GRIA2: variants seen among roughly 807,000 people sequenced by gnomAD.
GRIA2 encodes glutamate ionotropic receptor AMPA type subunit 2.
A neutral mutation model predicts 97.3 loss-of-function variants in GRIA2; 14 were observed. That is an observed-to-expected ratio of 0.14 (90% CI 0.10 to 0.23). The LOEUF (loss-of-function observed/expected upper bound fraction) is 0.23. Ranked by LOEUF, GRIA2 falls within the 10% of genes least tolerant of loss-of-function variation. The pLI is 1.00. For missense variants in GRIA2, 558 were observed against 1,069.8 expected, an observed-to-expected ratio of 0.52 and a Z score of 6.67; for synonymous variants, 412 against 387.8, an observed-to-expected ratio of 1.06 and a Z score of -0.73.
intron 2 of GRIA2, among the ~76,000 whole-genome samples, chr4:157,234,886 G>T (rs1343345675): frequency 6.6e-6 from 1 of 152,108 alleles, no homozygotes; most frequent in Non-Finnish European, 1.5e-5. Context: ...GTGCGGGGTG[G>T]TTGGGGGAAG....
chr4:157,318,542 A>G (rs1313330744), intron 5 of GRIA2, among the ~76,000 whole-genome samples: 1 of 152,188 alleles, frequency 6.6e-6, no homozygotes, highest in Non-Finnish European at 1.5e-5. Context: ...CTCAGAATAA[A>G]CCTTTTACAA....
intron 6 of GRIA2, among the ~76,000 whole-genome samples, chr4:157,328,956 T>G (rs926160800): frequency 6.6e-6 from 1 of 152,004 alleles, no homozygotes; most frequent in Non-Finnish European, 1.5e-5. Flanking sequence ...CTTACTAAGG[T>G]TTTTATGAAG....
chr4:157,276,593 G>A (rs769029163), intron 2 of GRIA2, among the ~76,000 whole-genome samples: 1 of 151,446 alleles, frequency 6.6e-6, no homozygotes, highest in Non-Finnish European at 1.5e-5. Context: ...GAAACCAAAA[G>A]GTGTTTTTTT....
intron 2 of GRIA2, among the ~76,000 whole-genome samples, chr4:157,293,534 C>T (rs533915757): frequency 4.6e-5 from 7 of 152,258 alleles, no homozygotes; most frequent in African/African-American, 1.7e-4. Flanking sequence ...GCTAGAGGTA[C>T]ATCCCACATT....
intron 12 of GRIA2, 104 bp downstream of exon 12, chr4:157,341,566 C>A (rs112527915): frequency 5.4e-6 from 4 of 737,406 alleles, no homozygotes; most frequent in Non-Finnish European, 9.4e-6. Context: ...TGTGAAAGCA[C>A]CCCTAATTCT....
At chr4:157,357,800 G>C (rs1180354600) in intron 12 of GRIA2, among the ~76,000 whole-genome samples, 1 of 151,828 alleles carries the variant, frequency 6.6e-6, no homozygotes, top group Non-Finnish European at 1.5e-5. Flanking sequence ...TTTCTAGATT[G>C]TATTTTAAAA....
chr4:157,240,050 T>C (rs1730434488), intron 2 of GRIA2, among the ~76,000 whole-genome samples: 1 of 152,136 alleles, frequency 6.6e-6, no homozygotes, highest in Non-Finnish European at 1.5e-5. Context: ...CATGTAATTA[T>C]TTCTTGACTT....
chr4:157,239,897 A>C (rs1403461340), intron 2 of GRIA2, among the ~76,000 whole-genome samples: 1 of 151,928 alleles, frequency 6.6e-6, no homozygotes, highest in Non-Finnish European at 1.5e-5. Flanking sequence ...AATATTTTTA[A>C]GTTCTTACTA....
chr4:157,355,624 A>ATATTTATTTATATT (rs1290321914), intron 12 of GRIA2, among the ~76,000 whole-genome samples: 1 of 136,638 alleles, frequency 7.3e-6, no homozygotes, highest in African/African-American at 2.7e-5. Context: ...TTATTTATAT[A>ATATTTATTTATATT]TATTTATTTA....
intron 2 of GRIA2, among the ~76,000 whole-genome samples, chr4:157,294,694 A>G (rs1733262711): frequency 6.6e-6 from 1 of 152,108 alleles, no homozygotes; most frequent in Non-Finnish European, 1.5e-5. Flanking sequence ...ATGTTCAGCC[A>G]CACAGGCCCA....
At chr4:157,248,641 G>GTA (rs1231676845) in intron 2 of GRIA2, among the ~76,000 whole-genome samples, 4 of 119,608 alleles carry the variant, frequency 3.3e-5, no homozygotes, top group East Asian at 2.4e-4. Context: ...ATATACACCT[G>GTA]TATATATATA....
intron 3 of GRIA2, among the ~76,000 whole-genome samples, chr4:157,305,349 A>T (rs1165577360): frequency 6.6e-6 from 1 of 151,856 alleles, no homozygotes; most frequent in Non-Finnish European, 1.5e-5. Context: ...TAATGTGTTC[A>T]GTCCCTCATC....
intron 2 of GRIA2, among the ~76,000 whole-genome samples, chr4:157,301,992 G>A (rs1013492103): frequency 1.3e-5 from 2 of 151,972 alleles, no homozygotes; most frequent in South Asian, 2.1e-4. Context: ...GACCAACAAG[G>A]TGAAACCCCG....
chr4:157,249,035 A>G (rs1333370109), intron 2 of GRIA2, among the ~76,000 whole-genome samples: 3 of 151,762 alleles, frequency 2.0e-5, no homozygotes, highest in East Asian at 2.0e-4. Flanking sequence ...CATGAAGTCT[A>G]TGTTGCCCGG....
intron 12 of GRIA2, among the ~76,000 whole-genome samples, chr4:157,359,270 T>A (rs895543574): frequency 6.6e-6 from 1 of 152,174 alleles, no homozygotes; most frequent in African/African-American, 2.4e-5. Context: ...CAGTATATCT[T>A]GAAATAAATA....
In GRIA2 at chr4:157,341,372, G is replaced by A; in HGVS notation, c.1953G>A (p.Val651=). The A allele has an allele frequency of 6.2e-7, 1 of 1,611,360 alleles. No individual in the cohort carries two copies. Among genetic ancestry groups the A allele is most frequent in the South Asian group, 1.1e-5 (1 of 91,038 alleles). Residue 651 remains valine, a synonymous_variant, in exon 12 of 16, where the codon GTG becomes GTA. Transcript: ENST00000264426. ...LAAFLTVERM[V]SPIESAEDLS... ...CCTTCCTGACTGTAGAGAGGATGGT[G>A]TCTCCCATCGAAAGTGCTGAGGATC...
At chr4:157,281,196 C>A (rs951994466) in intron 2 of GRIA2, among the ~76,000 whole-genome samples, 21 of 152,090 alleles carry the variant, frequency 1.4e-4, no homozygotes, top group South Asian at 1.2e-3. Context: ...TGGCCCACAG[C>A]ACTACTGAAA....
chr4:157,274,471 C>T (rs1179512456), intron 2 of GRIA2, among the ~76,000 whole-genome samples: 1 of 151,282 alleles, frequency 6.6e-6, no homozygotes, highest in African/African-American at 2.4e-5. Context: ...CACCCATTAA[C>T]TTGTCATTTA....
At chr4:157,256,991 T>A (rs1731307175) in intron 2 of GRIA2, among the ~76,000 whole-genome samples, 1 of 152,022 alleles carries the variant, frequency 6.6e-6, no homozygotes, top group Non-Finnish European at 1.5e-5. Flanking sequence ...AAAGCATTAT[T>A]TTTTGTAGTA....
Sources: allele counts gnomAD v4.1 joint callset (sites outside exome capture counted in the v4.1 genomes callset), GRCh38; gene constraint gnomAD v4.1.1; transcripts MANE v1.5; gene names NCBI Gene and HGNC (gene_info 2026-07-23, HGNC 2026-07-21).